Variants in KCNQ3 observed in about 807,000 individuals in gnomAD.
KCNQ3 encodes potassium voltage-gated channel subfamily Q member 3, also known as potassium voltage-gated channel subfamily KQT member 3.
KCNQ3 carries 30 observed loss-of-function variants against 92.5 expected under a neutral mutation model. The ratio of observed to expected loss-of-function variants is 0.32; its 90% CI spans 0.24 to 0.44. The LOEUF (loss-of-function observed/expected upper bound fraction) is 0.44. Ranked by LOEUF, KCNQ3 falls within the 20% of genes least tolerant of loss-of-function variation. The pLI, the probability that KCNQ3 is intolerant of heterozygous loss-of-function variation, is 1.00. For synonymous variants in KCNQ3, 450 were observed against 468.8 expected (o/e 0.96, Z 0.52); for missense variants, 913 against 1,140.3 (o/e 0.80, Z 2.87).
At chr8:132,287,906 T>C (rs1196379387) in intron 1 of KCNQ3, among the ~76,000 whole-genome samples, 1 of 152,128 alleles carries the variant, frequency 6.6e-6, no homozygotes, top group East Asian at 1.9e-4. Flanking sequence ...GCCACTGAAA[T>C]GTACACTATA....
chr8:132,292,772 C>T (rs1044600761), intron 1 of KCNQ3, among the ~76,000 whole-genome samples: 7 of 152,156 alleles, frequency 4.6e-5, no homozygotes, highest in Non-Finnish European at 1.0e-4. Context: ...CCTCAGGAAA[C>T]AGAATCTCTC....
chr8:132,329,800 A>G (rs893228473), intron 1 of KCNQ3, among the ~76,000 whole-genome samples: 2 of 152,190 alleles, frequency 1.3e-5, no homozygotes, highest in Non-Finnish European at 2.9e-5. Context: ...GCCTAAGAAG[A>G]CAAGGAACCG....
At chr8:132,269,742 T>C (rs1446529438) in intron 1 of KCNQ3, among the ~76,000 whole-genome samples, 1 of 152,200 alleles carries the variant, frequency 6.6e-6, no homozygotes, top group Non-Finnish European at 1.5e-5. Flanking sequence ...CACTAGACTG[T>C]GGGCCTCTAA....
chr8:132,334,445 C>A (rs992708693), intron 1 of KCNQ3, among the ~76,000 whole-genome samples: 2 of 152,114 alleles, frequency 1.3e-5, no homozygotes, highest in African/African-American at 2.4e-5. Context: ...AGAAAAATGT[C>A]ACAGTTAACT....
chr8:132,380,749 T>C (rs1819725556), intron 1 of KCNQ3, among the ~76,000 whole-genome samples: 1 of 151,756 alleles, frequency 6.6e-6, no homozygotes, highest in Non-Finnish European at 1.5e-5. Context: ...TCAGTTCATT[T>C]AATTAATATT....
intron 9 of KCNQ3, among the ~76,000 whole-genome samples, chr8:132,145,093 T>C (rs2130951096): frequency 6.6e-6 from 1 of 152,252 alleles, no homozygotes; most frequent in Admixed American, 6.5e-5. Flanking sequence ...TGCCATCTAG[T>C]GGGGAGAAGC....
intron 1 of KCNQ3, among the ~76,000 whole-genome samples, chr8:132,244,052 C>T (rs1044066927): frequency 5.9e-5 from 9 of 152,074 alleles, no homozygotes; most frequent in African/African-American, 2.2e-4. Context: ...GCAGATTCAA[C>T]CACTGATGAA....
chr8:132,233,864 A>G (rs932746065), intron 1 of KCNQ3, among the ~76,000 whole-genome samples: 11 of 152,230 alleles, frequency 7.2e-5, no homozygotes, highest in Admixed American at 1.3e-4. Context: ...GGCAAAAAAA[A>G]ATATTCAAAG....
At chr8:132,144,229 AG>A (rs747302509) in intron 9 of KCNQ3, among the ~76,000 whole-genome samples, 11 of 152,228 alleles carry the variant, frequency 7.2e-5, no homozygotes, top group Non-Finnish European at 1.5e-4. Flanking sequence ...CGTGGAACAA[AG>A]TCAGAAGTCT....
At chr8:132,257,083 T>C (rs1815612717) in intron 1 of KCNQ3, among the ~76,000 whole-genome samples, 1 of 152,178 alleles carries the variant, frequency 6.6e-6, no homozygotes, top group Non-Finnish European at 1.5e-5. Context: ...GACACAGTTT[T>C]TATGATAATG....
intron 9 of KCNQ3, among the ~76,000 whole-genome samples, chr8:132,153,868 T>G (rs991204111): frequency 1.4e-4 from 22 of 152,078 alleles, no homozygotes; most frequent in African/African-American, 5.3e-4. Flanking sequence ...TTATGTACCC[T>G]AGGTATTTGC....
intron 1 of KCNQ3, among the ~76,000 whole-genome samples, chr8:132,254,234 G>A (rs1330505935): frequency 1.3e-5 from 2 of 152,234 alleles, no homozygotes; most frequent in African/African-American, 4.8e-5. Context: ...GAGCAGGAAA[G>A]TGCATGTTCT....
At chr8:132,257,581 T>TA (rs958900818) in intron 1 of KCNQ3, among the ~76,000 whole-genome samples, 22 of 150,756 alleles carry the variant, frequency 1.5e-4, no homozygotes, top group Admixed American at 4.0e-4. Context: ...CCATCTCTAC[T>TA]AAAAAAAATA....
At chr8:132,132,405 C>T (rs941110410) in intron 13 of KCNQ3, 141 bp from the exon 14 acceptor site, 12 of 721,100 alleles carry the variant, frequency 1.7e-5, no homozygotes, top group Non-Finnish European at 2.7e-5. Flanking sequence ...CCAATCAACT[C>T]TGGAGGCATA....
chr8:132,186,944 GAGAGAGAGAGAC>G (rs1396287913), intron 1 of KCNQ3, among the ~76,000 whole-genome samples: 1,313 of 116,370 alleles, frequency 0.011, 28 homozygotes, highest in African/African-American at 0.039. Flanking sequence ...GAGAGAGAGA[GAGAGAGAGAGAC>G]AGAGAGAGAG....
chr8:132,371,423 C>T (rs1028526378), intron 1 of KCNQ3, among the ~76,000 whole-genome samples: 2 of 152,168 alleles, frequency 1.3e-5, no homozygotes, highest in Non-Finnish European at 2.9e-5. Flanking sequence ...CTGCCTACTG[C>T]GGTTGTCAAC....
rs1276713797 is a variant in KCNQ3, at chr8:132,124,930, AC to A, written c.*4331del. On this transcript the variant is annotated 3_prime_UTR_variant, in exon 15 of 15. Coordinates refer to ENST00000388996, the MANE Select transcript of KCNQ3 (RefSeq NM_004519.4). ...TACAGTTGACTTCTTAGGCTGCTGAACAAATTTCTTCTCTTGCCCCAGGAGA... is the reference window on the plus strand; with the variant it reads ...TACAGTTGACTTCTTAGGCTGCTGAAAAATTTCTTCTCTTGCCCCAGGAGA... 2 of 152,082 alleles carry A rather than the reference AC, an allele frequency of 1.3e-5. No homozygotes were observed. The highest frequency in any genetic ancestry group is 1.3e-4 in the Admixed American group (2 of 15,274). 9.4% of individuals were successfully genotyped at this position (152,082 alleles called of 1,614,324 possible).
intron 1 of KCNQ3, among the ~76,000 whole-genome samples, chr8:132,284,327 C>A (rs572583036): frequency 3.0e-4 from 46 of 152,120 alleles, no homozygotes; most frequent in Non-Finnish European, 4.0e-4. Context: ...TTAAGTTATA[C>A]CTCAGAAAGA....
At position 132,459,989 on chromosome 8, in the gene KCNQ3, C is replaced by T. The variant is rs371357684; in HGVS notation, c.386+20158G>A. Among the ~76,000 whole-genome samples, 26 of 151,942 alleles carry T rather than the reference C, an allele frequency of 1.7e-4. 1 individual carries two copies. The East Asian group carries it at 4.7e-3, about 27-fold the overall frequency. On this transcript the variant is annotated intron_variant, in intron 1 of 14. Transcript: ENST00000388996. ...CTTTATTTTTTGTCTCAAATTGTCC[C>T]ACATTGGCCAGGGGGTGCTCTTTCA...
Sources: allele counts gnomAD v4.1 joint callset (sites outside exome capture counted in the v4.1 genomes callset), GRCh38; gene constraint gnomAD v4.1.1; transcripts MANE v1.5; gene names NCBI Gene and HGNC (gene_info 2026-07-23, HGNC 2026-07-21).